Variants in NRG3 observed in about 807,000 individuals in gnomAD.
NRG3 encodes the protein pro-neuregulin-3, membrane-bound isoform.
In NRG3, 31 loss-of-function variants were observed where a neutral mutation model predicts 66.9. The ratio of observed to expected loss-of-function variants is 0.46; its 90% CI spans 0.35 to 0.63. The LOEUF (loss-of-function observed/expected upper bound fraction) is 0.63. Among genes scored for constraint, NRG3 ranks in the 20% least tolerant of loss-of-function variants. The pLI is 0.00. For missense variants in NRG3, 910 were observed against 878.9 expected (o/e 1.04, Z -0.45); for synonymous variants, 393 against 359.4 (o/e 1.09, Z -1.06).
chr10:82,067,549 T>C (rs1564787190), intron 1 of NRG3, among the ~76,000 whole-genome samples: 1 of 152,228 alleles, frequency 6.6e-6, no homozygotes, highest in African/African-American at 2.4e-5. Flanking sequence ...GTTTTCGCCA[T>C]GTTGGCCAGG....
At chr10:82,339,404 G>A (rs1390654660) in intron 1 of NRG3, among the ~76,000 whole-genome samples, 2 of 152,110 alleles carry the variant, frequency 1.3e-5, no homozygotes, top group Non-Finnish European at 2.9e-5. Context: ...CCTCTTCACA[G>A]GGCAGCAGGG....
intron 1 of NRG3, among the ~76,000 whole-genome samples, chr10:82,152,331 G>A (rs1177337066): frequency 6.6e-6 from 1 of 152,130 alleles, no homozygotes; most frequent in African/African-American, 2.4e-5. Context: ...CTAATTTAAT[G>A]TGAAATTTAA....
intron 1 of NRG3, among the ~76,000 whole-genome samples, chr10:81,911,586 C>T (rs75215223): frequency 0.03 from 4,459 of 147,928 alleles, 253 homozygotes; most frequent in African/African-American, 0.11. Context: ...TGTGTCTTCA[C>T]CCTCTAGCAC....
At chr10:82,907,738 G>A (rs367856272) in intron 4 of NRG3, among the ~76,000 whole-genome samples, 1 of 151,982 alleles carries the variant, frequency 6.6e-6, no homozygotes, top group Non-Finnish European at 1.5e-5. Flanking sequence ...TAATTCCACA[G>A]GTATTTTTTA....
chr10:82,192,982 AG>A (rs2074242731), intron 1 of NRG3, among the ~76,000 whole-genome samples: 1 of 150,846 alleles, frequency 6.6e-6, no homozygotes, highest in African/African-American at 2.5e-5. Context: ...TGAGAGAGAG[AG>A]AGAGAGAGAG....
In NRG3 at chr10:82,916,296, A is replaced by G. The variant is rs1006461979; in HGVS notation, c.1055-35173A>G. Among the ~76,000 whole-genome samples, 3 of 152,136 alleles carry G rather than the reference A, an allele frequency of 2.0e-5. No individual in the cohort carries two copies. The East Asian group carries it at 5.8e-4, about 29-fold the overall frequency. On this transcript the variant is annotated intron_variant, in intron 4 of 8. Coordinates refer to ENST00000372141, the MANE Select transcript of NRG3 (RefSeq NM_001010848.4). The stretch of plus-strand genomic sequence containing the variant: ...GCAAGGCCCCATCTCTACAAAAATA[A>G]AATAAATTAGCTTGGCATGATGTCA...
chr10:81,941,142 G>T (rs1274967269), intron 1 of NRG3, among the ~76,000 whole-genome samples: 2 of 152,126 alleles, frequency 1.3e-5, no homozygotes, highest in East Asian at 1.9e-4. Flanking sequence ...CCTATTAACA[G>T]CATGCACAAG....
chr10:82,389,196 A>G (rs983905340), intron 2 of NRG3, among the ~76,000 whole-genome samples: 1 of 152,240 alleles, frequency 6.6e-6, no homozygotes, highest in Non-Finnish European at 1.5e-5. Flanking sequence ...GACTTGCCAC[A>G]GGTGACAGAG....
intron 3 of NRG3, among the ~76,000 whole-genome samples, chr10:82,772,853 G>A (rs1343191541): frequency 1.3e-5 from 2 of 151,674 alleles, no homozygotes; most frequent in Non-Finnish European, 2.9e-5. Flanking sequence ...GAACAAACAT[G>A]TGCCACCGTG....
chr10:82,700,978 A>C (rs903610961), intron 2 of NRG3, among the ~76,000 whole-genome samples: 2 of 152,122 alleles, frequency 1.3e-5, no homozygotes, highest in Admixed American at 1.3e-4. Flanking sequence ...CCTATTTAAA[A>C]ATGGGAGATT....
chr10:82,105,428 G>GT (rs1441809035), intron 1 of NRG3, among the ~76,000 whole-genome samples: 1 of 152,152 alleles, frequency 6.6e-6, no homozygotes, highest in Non-Finnish European at 1.5e-5. Context: ...GTAGTGTGGA[G>GT]TAAGTGATGT....
At chr10:82,074,360 A>G (rs1222050466) in intron 1 of NRG3, among the ~76,000 whole-genome samples, 2 of 152,196 alleles carry the variant, frequency 1.3e-5, no homozygotes, top group Non-Finnish European at 2.9e-5. Context: ...GGAAGGTGGG[A>G]TAGTAGAAAC....
intron 1 of NRG3, among the ~76,000 whole-genome samples, chr10:82,353,899 C>T (rs1185475337): frequency 6.6e-6 from 1 of 151,936 alleles, no homozygotes; most frequent in Non-Finnish European, 1.5e-5. Context: ...CTGATTTTTC[C>T]CTCCTTTAAT....
At chr10:82,106,862 CT>C (rs1337728781) in intron 1 of NRG3, among the ~76,000 whole-genome samples, 1 of 152,098 alleles carries the variant, frequency 6.6e-6, no homozygotes. Context: ...AAGATGCACT[CT>C]GCTATAAGGT....
intron 4 of NRG3, among the ~76,000 whole-genome samples, chr10:82,917,022 G>A (rs573999016): frequency 2.0e-4 from 30 of 152,172 alleles, no homozygotes; most frequent in East Asian, 3.9e-4. Flanking sequence ...CATTCTGACC[G>A]TAGCACACAT....
intron 1 of NRG3, among the ~76,000 whole-genome samples, chr10:82,244,590 A>G (rs901657631): frequency 5.3e-5 from 8 of 152,084 alleles, no homozygotes; most frequent in African/African-American, 1.2e-4. Flanking sequence ...GAAGCGTTCT[A>G]TTAGTATGTA....
intron 2 of NRG3, among the ~76,000 whole-genome samples, chr10:82,578,296 A>G (rs1161279656): frequency 2.0e-5 from 3 of 147,784 alleles, no homozygotes; most frequent in East Asian, 2.1e-4. Flanking sequence ...TAAAATATCA[A>G]TGAAACTCAA....
chr10:82,146,662 A>T (rs1402645280), intron 1 of NRG3, among the ~76,000 whole-genome samples: 6 of 152,170 alleles, frequency 3.9e-5, no homozygotes, highest in African/African-American at 1.4e-4. Flanking sequence ...GCAGACATAC[A>T]GTAGATACTT....
At chr10:82,775,453 T>C (rs7097172) in intron 3 of NRG3, among the ~76,000 whole-genome samples, 52,503 of 151,866 alleles carry the variant, frequency 0.35, 10,185 homozygotes, top group African/African-American at 0.53. Context: ...TAGTTTCATA[T>C]ACTTATAGTT....
Sources: gnomAD v4.1 joint callset for allele counts (sites outside exome capture counted in the v4.1 genomes callset) on GRCh38, gnomAD v4.1.1 for gene constraint, MANE v1.5 for transcripts, NCBI Gene and HGNC (gene_info 2026-07-23, HGNC 2026-07-21) for gene names.